RAB38: variants seen among roughly 807,000 people sequenced by gnomAD.
The protein encoded by RAB38 is ras-related protein Rab-38.
Under a neutral mutation model 18.4 loss-of-function variants are expected in RAB38, and 15 were observed. The ratio of observed to expected loss-of-function variants is 0.82; its 90% CI spans 0.55 to 1.26. The LOEUF (loss-of-function observed/expected upper bound fraction) is 1.26. Among genes scored for constraint, RAB38 ranks in the 50% most tolerant of loss-of-function variants. RAB38 has a pLI of 0.00. For missense variants in RAB38, 294 were observed against 267.4 expected (o/e 1.10, Z -0.69); for synonymous variants, 101 against 104.4 (o/e 0.97, Z 0.20).
At chr11:87,894,356 A>T in the RAB38 span, among the ~76,000 whole-genome samples, 1 of 151,688 alleles carries the variant, frequency 6.6e-6, no homozygotes, top group African/African-American at 2.4e-5. Flanking sequence ...AGCCAGAAAC[A>T]ATATATATTT....
chr11:88,015,346 G>C, the RAB38 span, among the ~76,000 whole-genome samples: 1 of 152,112 alleles, frequency 6.6e-6, no homozygotes, highest in Non-Finnish European at 1.5e-5. Flanking sequence ...AGGTAATGTA[G>C]TGTGGAGTCA....
chr11:88,062,750 A>C, the RAB38 span, among the ~76,000 whole-genome samples: 2 of 152,222 alleles, frequency 1.3e-5, no homozygotes, highest in African/African-American at 4.8e-5. Flanking sequence ...CTAATTTTGC[A>C]ACCTTCAGCA....
At chr11:88,019,259 A>G in the RAB38 span, among the ~76,000 whole-genome samples, 6 of 152,154 alleles carry the variant, frequency 3.9e-5, no homozygotes, top group Non-Finnish European at 8.8e-5. Context: ...AAATGGTACC[A>G]TAATTGACCA....
chr11:88,138,787 T>A (rs1295969906), intron 2 of RAB38, among the ~76,000 whole-genome samples: 1 of 115,528 alleles, frequency 8.7e-6, no homozygotes, highest in African/African-American at 3.4e-5. Context: ...TCTTTTTTTT[T>A]TATTATTTTT....
the RAB38 span, among the ~76,000 whole-genome samples, chr11:87,847,559 G>A: frequency 6.6e-6 from 1 of 152,058 alleles, no homozygotes; most frequent in African/African-American, 2.4e-5. Flanking sequence ...GTTTCACTGT[G>A]GGGTTGGCAT....
chr11:87,858,379 G>T, the RAB38 span, among the ~76,000 whole-genome samples: 33 of 152,168 alleles, frequency 2.2e-4, no homozygotes, highest in East Asian at 5.8e-3. Context: ...TTAACCAAAT[G>T]CTCCAAGGAA....
chr11:88,114,207 T>TTAA lies in RAB38; in HGVS notation c.484-68_484-67insTTA. ...CTGAAATAATGCTAGAGCAGAGACTTATATGTGACAATTCATTTAAATATT... is the reference window on the plus strand; with the variant it reads ...CTGAAATAATGCTAGAGCAGAGACTTTAAATATGTGACAATTCATTTAAATATT... On this transcript the variant is annotated intron_variant, in intron 2 of 2. Coordinates refer to ENST00000243662, the MANE Select transcript of RAB38 (RefSeq NM_022337.3). 10 of 1,519,236 alleles carry TTAA rather than the reference T, an allele frequency of 6.6e-6. 1 individual carries two copies. In the South Asian group the frequency reaches 1.1e-4, roughly 17 times the overall value. The allele number at this position is 1,519,236 out of a possible 1,614,324, so 94.1% of individuals were successfully genotyped here. A position where few individuals can be genotyped will look rare whatever the true frequency, so the allele number is the denominator to read the frequency against.
the RAB38 span, among the ~76,000 whole-genome samples, chr11:87,956,157 CT>C: frequency 6.6e-6 from 1 of 151,946 alleles, no homozygotes; most frequent in Non-Finnish European, 1.5e-5. Flanking sequence ...AATTATTTAA[CT>C]TATCTGAAAA....
At chr11:87,859,429 T>C in the RAB38 span, among the ~76,000 whole-genome samples, 1 of 152,060 alleles carries the variant, frequency 6.6e-6, no homozygotes, top group East Asian at 1.9e-4. Context: ...AAATCATAAA[T>C]GACCTAATAG....
chr11:88,072,184 G>C, the RAB38 span, among the ~76,000 whole-genome samples: 4 of 152,286 alleles, frequency 2.6e-5, no homozygotes, highest in South Asian at 8.3e-4. Context: ...AAATCTATGG[G>C]GGAATTTTGA....
chr11:88,067,179 A>G, the RAB38 span, among the ~76,000 whole-genome samples: 1 of 152,228 alleles, frequency 6.6e-6, no homozygotes, highest in Admixed American at 6.5e-5. Flanking sequence ...TGAGTTGCAT[A>G]TAAAACATTA....
the RAB38 span, among the ~76,000 whole-genome samples, chr11:87,963,026 G>A: frequency 6.6e-6 from 1 of 151,998 alleles, no homozygotes; most frequent in Non-Finnish European, 1.5e-5. Flanking sequence ...TGATATGAAA[G>A]TCCTTGATAA....
At chr11:87,907,301 G>T in the RAB38 span, among the ~76,000 whole-genome samples, 1 of 151,782 alleles carries the variant, frequency 6.6e-6, no homozygotes, top group Non-Finnish European at 1.5e-5. Context: ...TGTGGAAATA[G>T]ATGGAACATT....
At chr11:87,862,449 G>A in the RAB38 span, among the ~76,000 whole-genome samples, 52 of 151,850 alleles carry the variant, frequency 3.4e-4, no homozygotes, top group Admixed American at 3.3e-3. Context: ...ACAAGTGGAA[G>A]CTAAATTATG....
At chr11:88,126,674 C>T (rs1448191541) in intron 2 of RAB38, among the ~76,000 whole-genome samples, 1 of 147,222 alleles carries the variant, frequency 6.8e-6, no homozygotes, top group Non-Finnish European at 1.5e-5. Context: ...ACATTGTGCA[C>T]ATGTACCCTA....
At chr11:87,809,428 G>A in the RAB38 span, among the ~76,000 whole-genome samples, 1 of 152,194 alleles carries the variant, frequency 6.6e-6, no homozygotes, top group Admixed American at 6.5e-5. Context: ...GCAACCTGTG[G>A]CTCTGCCAAC....
At chr11:88,175,157 C>T in intron 1 of RAB38, 26 bp downstream of exon 1, 1 of 1,562,484 alleles carries the variant, frequency 6.4e-7, no homozygotes, top group South Asian at 1.2e-5. Flanking sequence ...CGCTCTATCC[C>T]CCTGACCCCC....
chr11:87,891,606 A>G, the RAB38 span, among the ~76,000 whole-genome samples: 2 of 151,836 alleles, frequency 1.3e-5, no homozygotes, highest in Admixed American at 1.3e-4. Context: ...TTAAACTATG[A>G]GTTCGAAACA....
At chr11:87,942,520 G>C in the RAB38 span, among the ~76,000 whole-genome samples, 1 of 152,108 alleles carries the variant, frequency 6.6e-6, no homozygotes, top group East Asian at 1.9e-4. Flanking sequence ...CCTTAGTTCA[G>C]CCATTCTCAA....
Sources: allele counts gnomAD v4.1 joint callset (sites outside exome capture counted in the v4.1 genomes callset), GRCh38; gene constraint gnomAD v4.1.1; transcripts MANE v1.5; gene names NCBI Gene and HGNC (gene_info 2026-07-23, HGNC 2026-07-21).